The following SLC2A2 variants were observed in gnomAD, a reference collection of about 807,000 sequenced individuals.
The protein encoded by SLC2A2 is solute carrier family 2, facilitated glucose transporter member 2.
A neutral mutation model predicts 54.5 loss-of-function variants in SLC2A2; 36 were observed. That is an observed-to-expected ratio of 0.66 (90% CI 0.51 to 0.87). The LOEUF (loss-of-function observed/expected upper bound fraction) is 0.87, where lower values mean the gene tolerates loss of function less well. SLC2A2 is among the 40% of genes least tolerant of loss of function. SLC2A2 has a pLI of 0.00. For synonymous variants in SLC2A2, 223 were observed against 219.1 expected (o/e 1.02, Z -0.16); for missense variants, 543 against 624.3 (o/e 0.87, Z 1.39).
intron 9 of SLC2A2, 126 bp from the exon 10 acceptor site, chr3:170,998,522 TAA>T: frequency 1.4e-6 from 1 of 720,142 alleles, no homozygotes; most frequent in Non-Finnish European, 2.4e-6. Flanking sequence ...CAAGCAAGTA[TAA>T]GTTATTCTAT....
At chr3:171,025,391 A>T (rs886952507) in intron 1 of SLC2A2, among the ~76,000 whole-genome samples, 1 of 151,358 alleles carries the variant, frequency 6.6e-6, no homozygotes, top group Non-Finnish European at 1.5e-5. Context: ...TATAACTATT[A>T]ACATTAAAAT....
chr3:171,009,353 A>G (rs1345949741), intron 4 of SLC2A2, among the ~76,000 whole-genome samples: 1 of 151,980 alleles, frequency 6.6e-6, no homozygotes, highest in African/African-American at 2.4e-5. Flanking sequence ...CACTTTCCCT[A>G]TGGACACCAC....
At chr3:171,002,804 G>A (rs949219786) in intron 7 of SLC2A2, 124 bp from the exon 8 acceptor site, 13 of 672,250 alleles carry the variant, frequency 1.9e-5, no homozygotes, top group South Asian at 3.3e-5. Flanking sequence ...CTAGAACTTC[G>A]TACAGATTTT....
chr3:171,001,330 A>G (rs1288805565), intron 8 of SLC2A2, among the ~76,000 whole-genome samples: 1 of 152,088 alleles, frequency 6.6e-6, no homozygotes, highest in African/African-American at 2.4e-5. Flanking sequence ...AGTCCCTTGG[A>G]TTGCACTTCA....
chr3:171,012,490 C>G (rs1373507923), intron 3 of SLC2A2, among the ~76,000 whole-genome samples: 1 of 152,132 alleles, frequency 6.6e-6, no homozygotes. Context: ...CTCTACCGTA[C>G]CCTGGTAATT....
chr3:171,010,254 CTAAAGTAT>C (rs1278574236), intron 3 of SLC2A2, among the ~76,000 whole-genome samples, 172 bp from the exon 4 acceptor site: 1 of 152,050 alleles, frequency 6.6e-6, no homozygotes, highest in East Asian at 1.9e-4. Context: ...CATCTATGGA[CTAAAGTAT>C]TACTAATAAG....
intron 7 of SLC2A2, among the ~76,000 whole-genome samples, chr3:171,003,855 G>C (rs1373479646): frequency 6.6e-6 from 1 of 151,970 alleles, no homozygotes; most frequent in Non-Finnish European, 1.5e-5. Context: ...TTTGAAAGAA[G>C]TTATGACAAT....
intron 1 of SLC2A2, among the ~76,000 whole-genome samples, chr3:171,021,807 C>T (rs958187042): frequency 5.3e-5 from 8 of 152,290 alleles, no homozygotes; most frequent in East Asian, 1.9e-4. Flanking sequence ...GGGCCATTCC[C>T]AGCTCTAGAT....
intron 1 of SLC2A2, among the ~76,000 whole-genome samples, chr3:171,023,847 T>C (rs887333017): frequency 6.6e-6 from 1 of 152,240 alleles, no homozygotes; most frequent in South Asian, 2.1e-4. Flanking sequence ...TATAAGGTGT[T>C]CAGCTTGCAC....
chr3:171,005,857 CACCA>C, intron 6 of SLC2A2, 82 bp downstream of exon 6: 1 of 1,338,190 alleles, frequency 7.5e-7, no homozygotes, highest in South Asian at 1.2e-5. Flanking sequence ...TACATTTAAT[CACCA>C]ACTTCATGTG....
At position 171,014,482 on chromosome 3, in the gene SLC2A2, C is replaced by T; in HGVS notation, c.358G>A (p.Asp120Asn). 1 of 1,614,128 alleles carries T rather than the reference C, an allele frequency of 6.2e-7. No individual in the cohort carries two copies. Among genetic ancestry groups the T allele is most frequent in the Non-Finnish European group, 8.5e-7 (1 of 1,179,988 alleles). ...AAATTTGCCTACCTTCCAAGTGTGT[C>T]CCCAAGCCACCCACCAAAGAATGAT... is the stretch of plus-strand genomic sequence containing the variant. Reference protein sequence around the residue: ...TASFFGGWLGDTLGRIKAMLV... With the variant: ...TASFFGGWLGNTLGRIKAMLV... Residue 120 changes from aspartate to asparagine, a missense_variant, in exon 3 of 11, where the codon GAC becomes AAC. Around this residue, in one of 3 missense-constraint regions of SLC2A2, gnomAD observed 318 missense variants for 343.8 expected, o/e 0.93. Transcript: ENST00000314251.
chr3:171,002,765 T>A, intron 7 of SLC2A2, 85 bp from the exon 8 acceptor site: 1 of 830,900 alleles, frequency 1.2e-6, no homozygotes, highest in Non-Finnish European at 2.0e-6. Flanking sequence ...GATTGTTTAT[T>A]TTTAGTTGTT....
chr3:171,010,052 C>T lies in SLC2A2; in HGVS notation c.402G>A (p.Leu134=). 6.2e-7 allele frequency: 1 copy of T among 1,612,732 alleles called. No individual in the cohort carries two copies. The change falls in exon 4 of 11, where the codon CTG becomes CTA. Residue 134 remains leucine, a synonymous_variant. Coordinates refer to ENST00000314251, the MANE Select transcript of SLC2A2 (RefSeq NM_000340.2). ...RIKAMLVANI[L]SLVGALLMGF... Reference sequence around the variant, plus strand: ...CCATCAAGAGAGCTCCAACTAATGACAGAATGTTTGCTACTAACATGGCTT... The same window carrying T: ...CCATCAAGAGAGCTCCAACTAATGATAGAATGTTTGCTACTAACATGGCTT...
At chr3:171,018,415 C>T in intron 2 of SLC2A2, 116 bp downstream of exon 2, 1 of 794,446 alleles carries the variant, frequency 1.3e-6, no homozygotes. Flanking sequence ...ACCTGACAGG[C>T]CAGGATGGCC....
chr3:170,998,027 A>G lies in SLC2A2; in HGVS notation c.1451T>C (p.Val484Ala). ...AAAAGACTTTCCTTTGGTTTCTGGA[A>G]CTTTAAAAAATGTGAACAGGGTAAA... ...LAFTLFTFFK[V>A]PETKGKSFEE... Residue 484 changes from valine (V) to alanine (A), a missense_variant, in exon 11 of 11, where the codon GTT becomes GCT. Coordinates refer to ENST00000314251, the MANE Select transcript of SLC2A2 (RefSeq NM_000340.2). The G allele has an allele frequency of 6.2e-7, 1 of 1,613,704 alleles. No homozygotes were observed. Among genetic ancestry groups the G allele is most frequent in the Non-Finnish European group, 8.5e-7 (1 of 1,179,802 alleles).
chr3:171,002,545 A>G, intron 8 of SLC2A2, 31 bp downstream of exon 8: 1 of 1,403,050 alleles, frequency 7.1e-7, no homozygotes, highest in Non-Finnish European at 1.0e-6. Context: ...CTAAGGAACA[A>G]GCAGAGTATT....
chr3:171,007,125 G>C, intron 5 of SLC2A2, 23 bp downstream of exon 5: 1 of 1,322,800 alleles, frequency 7.6e-7, no homozygotes, highest in Non-Finnish European at 1.1e-6. Flanking sequence ...GTGCAGTAGG[G>C]GATAAGGATG....
At chr3:171,015,174 A>G (rs1004495571) in intron 2 of SLC2A2, among the ~76,000 whole-genome samples, 10 of 152,218 alleles carry the variant, frequency 6.6e-5, no homozygotes, top group African/African-American at 2.4e-4. Flanking sequence ...AATTGAAACT[A>G]TTCTGCAGGC....
At chr3:171,024,138 G>C (rs1050711422) in intron 1 of SLC2A2, among the ~76,000 whole-genome samples, 8 of 152,110 alleles carry the variant, frequency 5.3e-5, no homozygotes, top group African/African-American at 1.4e-4. Context: ...TATAAAATGG[G>C]TATAAAACTA....
Sources: allele counts gnomAD v4.1 joint callset (sites outside exome capture counted in the v4.1 genomes callset), GRCh38; gene constraint gnomAD v4.1.1; regional missense constraint gnomAD v4.1.1; transcripts MANE v1.5; gene names NCBI Gene and HGNC (gene_info 2026-07-23, HGNC 2026-07-21).